Variants in KSR2 observed in about 807,000 individuals in gnomAD.
The protein encoded by KSR2 is kinase suppressor of ras 2.
KSR2 carries 25 observed loss-of-function variants against 107.8 expected under a neutral mutation model. That is an observed-to-expected ratio of 0.23 (90% CI 0.17 to 0.32). KSR2 has a LOEUF of 0.32. Among genes scored for constraint, KSR2 ranks in the 10% least tolerant of loss-of-function variants. The pLI is 1.00. For missense variants in KSR2, 887 were observed against 1,268.9 expected (o/e 0.70, Z 4.57); for synonymous variants, 480 against 507.0 (o/e 0.95, Z 0.71).
At chr12:117,646,280 A>G (rs1883635236) in intron 5 of KSR2, among the ~76,000 whole-genome samples, 1 of 152,170 alleles carries the variant, frequency 6.6e-6, no homozygotes, top group South Asian at 2.1e-4. Context: ...GCAAAGCTGA[A>G]AATACTTGTT....
chr12:117,929,064 C>T (rs112289653), intron 1 of KSR2, among the ~76,000 whole-genome samples: 1 of 152,236 alleles, frequency 6.6e-6, no homozygotes, highest in Non-Finnish European at 1.5e-5. Context: ...AGCACCATCA[C>T]CAAGTAGTTG....
In KSR2 at chr12:117,471,368, C is replaced by A. The variant is rs201073841; in HGVS notation, c.2583-48G>T. On this transcript the variant is annotated intron_variant, in intron 17 of 19. Transcript: ENST00000339824. ...GGGTGTTGGTGTGGTGTGTCACTTG[C>A]AACCTTGTACCTCCATTATTAGCAC... is the stretch of plus-strand genomic sequence containing the variant. 1.5e-5 allele frequency: 24 copies of A among 1,586,574 alleles called. 1 individual carries two copies. In the Admixed American group the frequency reaches 3.9e-4, roughly 26 times the overall value.
At chr12:117,610,955 A>G in intron 5 of KSR2, among the ~76,000 whole-genome samples, 1 of 152,154 alleles carries the variant, frequency 6.6e-6, no homozygotes. Context: ...TATTGTGTAA[A>G]AAATACATCA....
chr12:117,717,209 A>G (rs1264914548), intron 4 of KSR2, among the ~76,000 whole-genome samples: 2 of 152,198 alleles, frequency 1.3e-5, no homozygotes, highest in Non-Finnish European at 2.9e-5. Context: ...ATAATTGCAC[A>G]TTGCCAGCTG....
At position 117,555,153 on chromosome 12, in the gene KSR2, G is replaced by A. The variant is rs761040901; in HGVS notation, c.1518+16C>T. The A allele has an allele frequency of 5.0e-6, 8 of 1,613,674 alleles. No homozygotes were observed. The Admixed American group carries it at 8.3e-5, about 17-fold the overall frequency. Reference sequence around the variant, plus strand: ...CCAGCCCCACATGCCGAGACCCAGGGGAAGCCCAGCCTTACCTTGTTGATT... The same window carrying A: ...CCAGCCCCACATGCCGAGACCCAGGAGAAGCCCAGCCTTACCTTGTTGATT... On this transcript the variant is annotated intron_variant, in intron 9 of 19. Coordinates refer to ENST00000339824, the MANE Select transcript of KSR2 (RefSeq NM_173598.6).
At chr12:117,533,469 C>T (rs1875807653) in intron 10 of KSR2, among the ~76,000 whole-genome samples, 1 of 152,136 alleles carries the variant, frequency 6.6e-6, no homozygotes, top group Non-Finnish European at 1.5e-5. Context: ...TAGTTGGAGT[C>T]CATTTTTGAT....
chr12:117,828,036 C>T (rs1891821427), intron 3 of KSR2, among the ~76,000 whole-genome samples: 2 of 152,206 alleles, frequency 1.3e-5, no homozygotes, highest in African/African-American at 4.8e-5. Flanking sequence ...CAGGGACTCA[C>T]ATCATTTCTA....
chr12:117,553,736 T>C (rs1203772400), intron 9 of KSR2, among the ~76,000 whole-genome samples: 1 of 152,108 alleles, frequency 6.6e-6, no homozygotes, highest in East Asian at 1.9e-4. Flanking sequence ...TTGATCCCTT[T>C]TTTTGCGGTA....
intron 14 of KSR2, 91 bp from the exon 15 acceptor site, chr12:117,485,782 G>T: frequency 1.2e-5 from 10 of 825,038 alleles, no homozygotes; most frequent in Non-Finnish European, 2.1e-5. Context: ...TGATGGCATA[G>T]ACACGTGGAC....
At chr12:117,944,407 G>T (rs1207951104) in intron 1 of KSR2, among the ~76,000 whole-genome samples, 2 of 151,972 alleles carry the variant, frequency 1.3e-5, no homozygotes, top group African/African-American at 4.8e-5. Context: ...CCAGTCTCGG[G>T]TATGTCTTTA....
At chr12:117,639,690 C>G (rs548945169) in intron 5 of KSR2, among the ~76,000 whole-genome samples, 1 of 149,804 alleles carries the variant, frequency 6.7e-6, no homozygotes, top group Non-Finnish European at 1.5e-5. Context: ...AAAGGGAAAG[C>G]CAGCGAGAAA....
At chr12:117,846,273 T>C (rs1892701003) in intron 3 of KSR2, among the ~76,000 whole-genome samples, 2 of 150,372 alleles carry the variant, frequency 1.3e-5, no homozygotes, top group South Asian at 4.2e-4. Flanking sequence ...AATTCTTGCA[T>C]AAAACCTATT....
At chr12:117,757,807 C>G (rs1490660034) in intron 4 of KSR2, among the ~76,000 whole-genome samples, 1 of 152,190 alleles carries the variant, frequency 6.6e-6, no homozygotes, top group African/African-American at 2.4e-5. Context: ...TAATAGACTA[C>G]AGTATGGTAT....
intron 5 of KSR2, among the ~76,000 whole-genome samples, chr12:117,586,657 G>GAAAGAAAGAAAA (rs1555219151): frequency 6.6e-6 from 1 of 150,722 alleles, no homozygotes; most frequent in Non-Finnish European, 1.5e-5. Flanking sequence ...AAGAAAGAAA[G>GAAAGAAAGAAAA]AAAAATATAG....
intron 1 of KSR2, among the ~76,000 whole-genome samples, chr12:117,934,760 C>T (rs990296542): frequency 2.0e-5 from 3 of 152,184 alleles, no homozygotes; most frequent in Admixed American, 1.3e-4. Flanking sequence ...CTAAATATAA[C>T]CAAAATCCAA....
In KSR2 at chr12:117,573,694, A is replaced by AT. The variant is rs552107683; in HGVS notation, c.1325+5424dup. On this transcript the variant is annotated intron_variant, in intron 7 of 19. Coordinates refer to ENST00000339824, the MANE Select transcript of KSR2 (RefSeq NM_173598.6). Reference sequence around the variant, plus strand: ...AGGCGCCCATCACCAAACTCGGCTAATTTTTTGTATTTTTAGTGGAGATGG... The same window carrying AT: ...AGGCGCCCATCACCAAACTCGGCTAATTTTTTTGTATTTTTAGTGGAGATGG... Among the ~76,000 whole-genome samples, 660 of 151,642 alleles carry AT rather than the reference A, an allele frequency of 4.4e-3. 5 individuals are homozygous for AT. The highest frequency in any genetic ancestry group is 6.1e-3 in the South Asian group (29 of 4,770).
At chr12:117,716,314 C>T (rs1400388132) in intron 4 of KSR2, among the ~76,000 whole-genome samples, 2 of 152,142 alleles carry the variant, frequency 1.3e-5, no homozygotes, top group Non-Finnish European at 2.9e-5. Context: ...GAAGTATGGC[C>T]TCCACCCATT....
intron 14 of KSR2, among the ~76,000 whole-genome samples, chr12:117,491,554 G>A (rs552745899): frequency 8.5e-5 from 13 of 152,254 alleles, no homozygotes; most frequent in Admixed American, 8.5e-4. Flanking sequence ...TGTCACACAC[G>A]ATAGGATTTC....
chr12:117,617,439 A>C (rs894516847), intron 5 of KSR2, among the ~76,000 whole-genome samples: 4 of 152,154 alleles, frequency 2.6e-5, no homozygotes, highest in South Asian at 4.1e-4. Flanking sequence ...GTAATTCTCT[A>C]TCTAGTCATC....
Sources: gnomAD v4.1 joint callset for allele counts (sites outside exome capture counted in the v4.1 genomes callset) on GRCh38, gnomAD v4.1.1 for gene constraint, MANE v1.5 for transcripts, NCBI Gene and HGNC (gene_info 2026-07-23, HGNC 2026-07-21) for gene names.